The following HS6ST3 variants were observed in gnomAD, a reference collection of about 807,000 sequenced individuals.
HS6ST3 encodes heparan-sulfate 6-O-sulfotransferase 3.
A neutral mutation model predicts 36.7 loss-of-function variants in HS6ST3; 12 were observed. That is an observed-to-expected ratio of 0.33 (90% CI 0.21 to 0.53). The LOEUF is 0.53. Ranked by LOEUF, HS6ST3 falls within the 20% of genes least tolerant of loss-of-function variation. The pLI, the probability that HS6ST3 is intolerant of heterozygous loss-of-function variation, is 0.95. For synonymous variants in HS6ST3, 240 were observed against 257.5 expected (o/e 0.93, Z 0.65); for missense variants, 584 against 640.9 (o/e 0.91, Z 0.96).
intron 1 of HS6ST3, among the ~76,000 whole-genome samples, chr13:96,460,508 G>A (rs764040796): frequency 1.3e-5 from 2 of 152,118 alleles, no homozygotes; most frequent in East Asian, 1.9e-4. Context: ...GAGCTATCAG[G>A]TTTTGGAAGT....
chr13:96,780,812 C>T (rs1365093918), intron 1 of HS6ST3, among the ~76,000 whole-genome samples: 1 of 151,966 alleles, frequency 6.6e-6, no homozygotes, highest in African/African-American at 2.4e-5. Context: ...TTCCTAGCTG[C>T]ACATGTGTCT....
At chr13:96,642,789 A>G (rs748357705) in intron 1 of HS6ST3, among the ~76,000 whole-genome samples, 4 of 151,982 alleles carry the variant, frequency 2.6e-5, no homozygotes, top group Non-Finnish European at 5.9e-5. Flanking sequence ...TTGGTGAGGC[A>G]TCAGTTTCAC....
At chr13:96,581,564 C>T (rs139747391) in intron 1 of HS6ST3, among the ~76,000 whole-genome samples, 10 of 152,006 alleles carry the variant, frequency 6.6e-5, no homozygotes, top group African/African-American at 9.7e-5. Context: ...TCAGCACTGC[C>T]GGAAGAAGTA....
At chr13:96,098,062 A>ATTG (rs2053799873) in intron 1 of HS6ST3, among the ~76,000 whole-genome samples, 2 of 152,230 alleles carry the variant, frequency 1.3e-5, no homozygotes, top group African/African-American at 4.8e-5. Context: ...TATGGAGACC[A>ATTG]GAGCTTATTG....
At position 96,583,204 on chromosome 13, in the gene HS6ST3, C is replaced by CTTTTTTTTTTTTTTTTTTTTTTTT. The variant is rs71292889; in HGVS notation, c.708-249282_708-249259dup. Among the ~76,000 whole-genome samples, 19 of 52,922 alleles carry CTTTTTTTTTTTTTTTTTTTTTTTT rather than the reference C, an allele frequency of 3.6e-4. 4 individuals carry two copies. The highest frequency in any genetic ancestry group is 7.2e-4 in the African/African-American group (9 of 12,420). 34.7% of individuals were successfully genotyped at this position (52,922 alleles called of 152,430 possible). A position where few individuals can be genotyped will look rare whatever the true frequency, so the allele number is the denominator to read the frequency against. ...AATGGCTTCAATTTCTTTTTCTTTTCTTTTTTTTTTTTTTTTTTTTTTTTT... is the reference window on the plus strand; with the variant it reads ...AATGGCTTCAATTTCTTTTTCTTTTCTTTTTTTTTTTTTTTTTTTTTTTTTTTTTTTTTTTTTTTTTTTTTTTTT... On this transcript the variant is annotated intron_variant, in intron 1 of 1. Coordinates refer to ENST00000376705, the MANE Select transcript of HS6ST3 (RefSeq NM_153456.4).
At chr13:96,246,797 C>A (rs137861088) in intron 1 of HS6ST3, among the ~76,000 whole-genome samples, 20 of 152,218 alleles carry the variant, frequency 1.3e-4, no homozygotes, top group Middle Eastern at 3.4e-3. Context: ...TTCTTCCCCA[C>A]GATGGAATGG....
rs1878836751 is a variant in HS6ST3, at chr13:96,832,833, T to C, written c.1051T>C (p.Phe351Leu). ...GAACAACCTGAAGAACATGGCCTTC[T>C]TTGGGCTCACTGAGTTCCAGAGGAA... ...AKNNLKNMAF[F>L]GLTEFQRKTQ... Residue 351 changes from phenylalanine to leucine, a missense_variant, in exon 2 of 2, where the codon TTT becomes CTT. Physicochemically the swap from Phe to Leu is conservative, Grantham distance 22. Around this residue, in one of 3 missense-constraint regions of HS6ST3, gnomAD observed 360 missense variants for 411.3 expected, o/e 0.88. Coordinates refer to ENST00000376705, the MANE Select transcript of HS6ST3 (RefSeq NM_153456.4). 1 of 1,614,042 alleles carries C rather than the reference T, an allele frequency of 6.2e-7. No individual in the cohort carries two copies. Among genetic ancestry groups the C allele is most frequent in the African/African-American group, 1.3e-5 (1 of 74,906 alleles).
intron 1 of HS6ST3, among the ~76,000 whole-genome samples, chr13:96,385,016 C>A (rs1025747440): frequency 6.6e-6 from 1 of 151,902 alleles, no homozygotes; most frequent in Admixed American, 6.6e-5. Context: ...CCCATCTCTA[C>A]TAAAAATACA....
chr13:96,579,430 T>C (rs2056333684), intron 1 of HS6ST3, among the ~76,000 whole-genome samples: 1 of 152,182 alleles, frequency 6.6e-6, no homozygotes, highest in African/African-American at 2.4e-5. Context: ...ACAAACTCTT[T>C]AGTGAAGTAT....
intron 1 of HS6ST3, among the ~76,000 whole-genome samples, chr13:96,433,804 A>T (rs759134652): frequency 1.3e-5 from 2 of 152,106 alleles, no homozygotes; most frequent in Non-Finnish European, 2.9e-5. Context: ...GCTTGGTGGC[A>T]GGCACGTGTA....
At chr13:96,693,938 G>A (rs1393143127) in intron 1 of HS6ST3, among the ~76,000 whole-genome samples, 1 of 152,084 alleles carries the variant, frequency 6.6e-6, no homozygotes, top group Non-Finnish European at 1.5e-5. Flanking sequence ...AACTTCAAAG[G>A]CAGCTGAGCT....
intron 1 of HS6ST3, among the ~76,000 whole-genome samples, chr13:96,613,641 G>A (rs2056463615): frequency 6.6e-6 from 1 of 152,148 alleles, no homozygotes; most frequent in African/African-American, 2.4e-5. Flanking sequence ...TTCCTTGTAA[G>A]AATATCATTT....
intron 1 of HS6ST3, among the ~76,000 whole-genome samples, chr13:96,593,183 T>TC (rs1292002844): frequency 1.0e-5 from 1 of 96,726 alleles, no homozygotes; most frequent in Non-Finnish European, 2.1e-5. Context: ...TCTTTTTTTT[T>TC]TTTTTTTTTT....
intron 1 of HS6ST3, among the ~76,000 whole-genome samples, chr13:96,810,966 TA>T (rs1202026243): frequency 6.6e-6 from 1 of 152,152 alleles, no homozygotes; most frequent in Admixed American, 6.5e-5. Flanking sequence ...TTCCAAATAC[TA>T]ACAATAGAGA....
chr13:96,393,835 G>A (rs1005687711), intron 1 of HS6ST3, among the ~76,000 whole-genome samples: 1 of 152,150 alleles, frequency 6.6e-6, no homozygotes, highest in African/African-American at 2.4e-5. Flanking sequence ...AAGTAAAGCT[G>A]TAGGGGTGGG....
intron 1 of HS6ST3, among the ~76,000 whole-genome samples, chr13:96,617,200 TA>T (rs879376038): frequency 2.0e-5 from 3 of 152,232 alleles, no homozygotes; most frequent in Non-Finnish European, 4.4e-5. Context: ...GTAAGTATTG[TA>T]AAATACATTT....
intron 1 of HS6ST3, among the ~76,000 whole-genome samples, chr13:96,647,760 C>T (rs1438961763): frequency 6.6e-6 from 1 of 150,920 alleles, no homozygotes; most frequent in Non-Finnish European, 1.5e-5. Flanking sequence ...GTTTTTTTTT[C>T]TGAATCTGTT....
intron 1 of HS6ST3, among the ~76,000 whole-genome samples, chr13:96,368,710 CCT>C (rs775182565): frequency 2.6e-5 from 4 of 152,024 alleles, no homozygotes; most frequent in Admixed American, 6.5e-5. Context: ...ATCCATTTTT[CCT>C]CTTTCTTTTG....
At chr13:96,281,161 A>G (rs2139393833) in intron 1 of HS6ST3, among the ~76,000 whole-genome samples, 1 of 152,084 alleles carries the variant, frequency 6.6e-6, no homozygotes, top group African/African-American at 2.4e-5. Flanking sequence ...GCGCGCCACC[A>G]CACCCAGCTA....
Sources: gnomAD v4.1 joint callset for allele counts (sites outside exome capture counted in the v4.1 genomes callset) on GRCh38, gnomAD v4.1.1 for gene constraint, gnomAD v4.1.1 regional missense constraint, MANE v1.5 for transcripts, NCBI Gene and HGNC (gene_info 2026-07-23, HGNC 2026-07-21) for gene names.